Variants in ADGRA3 observed in about 807,000 individuals in gnomAD.
ADGRA3 encodes adhesion G protein-coupled receptor A3.
Under a neutral mutation model 119.8 loss-of-function variants are expected in ADGRA3, and 56 were observed. The ratio of observed to expected loss-of-function variants is 0.47; its 90% confidence interval spans 0.38 to 0.58. The LOEUF (loss-of-function observed/expected upper bound fraction) is 0.58, where lower values mean the gene tolerates loss of function less well. Ranked by LOEUF, ADGRA3 falls within the 20% of genes least tolerant of loss-of-function variation. The pLI, the probability that ADGRA3 is intolerant of heterozygous loss-of-function variation, is 0.00. For missense variants in ADGRA3, 1,516 were observed against 1,649.0 expected (o/e 0.92, Z 1.40); for synonymous variants, 607 against 623.8 (o/e 0.97, Z 0.40).
At chr4:22,513,642 G>A (rs1719530077) in intron 1 of ADGRA3, among the ~76,000 whole-genome samples, 1 of 150,886 alleles carries the variant, frequency 6.6e-6, no homozygotes, top group African/African-American at 2.4e-5. Flanking sequence ...CTTCCAAGTA[G>A]CTGGAATGAC....
chr4:22,409,742 G>A (rs1715111327), intron 14 of ADGRA3, among the ~76,000 whole-genome samples: 1 of 152,092 alleles, frequency 6.6e-6, no homozygotes, highest in Non-Finnish European at 1.5e-5. Context: ...ACAGAAAAAA[G>A]CACGGTTTAG....
At chr4:22,468,259 A>T (rs1398125311) in intron 2 of ADGRA3, among the ~76,000 whole-genome samples, 1 of 152,156 alleles carries the variant, frequency 6.6e-6, no homozygotes, top group African/African-American at 2.4e-5. Context: ...TCTGCTCCTC[A>T]TCTCTTATTG....
At chr4:22,502,909 A>C (rs981342476) in intron 1 of ADGRA3, among the ~76,000 whole-genome samples, 114 of 152,084 alleles carry the variant, frequency 7.5e-4, no homozygotes, top group African/African-American at 2.3e-3. Context: ...AAAAAAAAAA[A>C]AAAACAGTAA....
At chr4:22,447,548 A>G in intron 4 of ADGRA3, 37 bp from the exon 5 acceptor site, 1 of 1,183,150 alleles carries the variant, frequency 8.5e-7, no homozygotes, top group East Asian at 2.4e-5. Flanking sequence ...TTAAAAATAC[A>G]ATTATCTATC....
chr4:22,496,539 C>T (rs924967177), intron 1 of ADGRA3, among the ~76,000 whole-genome samples: 6 of 152,100 alleles, frequency 3.9e-5, no homozygotes, highest in African/African-American at 9.7e-5. Flanking sequence ...CAATACAGTC[C>T]GTGGTCCAAA....
chr4:22,463,160 A>G (rs1040155544), intron 2 of ADGRA3, among the ~76,000 whole-genome samples: 1 of 152,194 alleles, frequency 6.6e-6, no homozygotes, highest in Admixed American at 6.5e-5. Flanking sequence ...ACATCCTTAC[A>G]TAACAGTGGC....
rs908447908 is a variant in ADGRA3 at position 22,495,735 on chromosome 4, C to A, written c.257+19793G>T. ...CATCCTGGCTAACACGGTGAAACCC[C>A]GTCGCTACTAAAAATACAAAAAAAT... is the stretch of plus-strand genomic sequence containing the variant. On this transcript the variant is annotated intron_variant, in intron 1 of 18. Coordinates refer to ENST00000334304, the MANE Select transcript of ADGRA3 (RefSeq NM_145290.4). 9.9e-5 allele frequency among the ~76,000 whole-genome samples: 15 copies of A among 151,862 alleles called. No individual in the cohort carries two copies. The East Asian group carries it at 2.9e-3, about 29-fold the overall frequency.
intron 1 of ADGRA3, among the ~76,000 whole-genome samples, chr4:22,489,638 T>C (rs1718555118): frequency 6.6e-6 from 1 of 152,188 alleles, no homozygotes; most frequent in Admixed American, 6.5e-5. Flanking sequence ...TACTAAAATT[T>C]CCAAATTCCA....
In ADGRA3 at chr4:22,388,460, G is replaced by A. The variant is rs1433768320; in HGVS notation, c.3211C>T (p.Gln1071Ter). The change falls in exon 19 of 19, where the codon CAA becomes TAA. Residue 1071 changes from glutamine to a stop codon, truncating the protein, a stop_gained. Coordinates refer to ENST00000334304, the MANE Select transcript of ADGRA3 (RefSeq NM_145290.4). LOFTEE classifies it high-confidence loss of function. ...CCPGRSSYSV[Q>*]VNVQPPNSNG... ...GAGTTGGGGGGCTGGACGTTGACTT[G>A]CACTGAATACGAGCTCCGTCCTGGG... The A allele has an allele frequency of 6.2e-7, 1 of 1,613,922 alleles. No homozygotes were observed. Among genetic ancestry groups the A allele is most frequent in the African/African-American group, 1.3e-5 (1 of 74,888 alleles).
intron 3 of ADGRA3, among the ~76,000 whole-genome samples, chr4:22,455,176 T>C (rs1259539787): frequency 1.3e-5 from 2 of 152,184 alleles, no homozygotes; most frequent in African/African-American, 4.8e-5. Context: ...CCCTCTATAT[T>C]TCAAGCACTT....
At chr4:22,414,749 A>G (rs1387321110) in intron 12 of ADGRA3, 1 of 572,408 alleles carries the variant, frequency 1.7e-6, no homozygotes, top group Non-Finnish European at 3.1e-6. Context: ...ATGCTCCTAT[A>G]GCACAACCTA....
intron 10 of ADGRA3, among the ~76,000 whole-genome samples, chr4:22,429,468 C>T (rs981084822): frequency 5.3e-5 from 8 of 152,186 alleles, no homozygotes; most frequent in Non-Finnish European, 1.2e-4. Flanking sequence ...TATGTTTTGA[C>T]TTCCACACAG....
At chr4:22,462,093 T>C (rs373978839) in intron 2 of ADGRA3, among the ~76,000 whole-genome samples, 15 of 152,202 alleles carry the variant, frequency 9.9e-5, no homozygotes, top group African/African-American at 2.9e-4. Context: ...CAATTATCAC[T>C]GAACTACAAT....
intron 4 of ADGRA3, among the ~76,000 whole-genome samples, chr4:22,448,411 T>C (rs1374715677): frequency 6.6e-6 from 1 of 152,156 alleles, no homozygotes; most frequent in Non-Finnish European, 1.5e-5. Context: ...TCTATGCCTG[T>C]TATGGTATCA....
At chr4:22,455,206 A>T (rs1033077853) in intron 3 of ADGRA3, among the ~76,000 whole-genome samples, 1 of 152,222 alleles carries the variant, frequency 6.6e-6, no homozygotes, top group African/African-American at 2.4e-5. Flanking sequence ...AAATTACTCA[A>T]GATAAAACTG....
At chr4:22,390,343 A>C (rs900232484) in intron 17 of ADGRA3, among the ~76,000 whole-genome samples, 1 of 96,714 alleles carries the variant, frequency 1.0e-5, no homozygotes, top group Non-Finnish European at 1.9e-5. Flanking sequence ...TATATAAAAT[A>C]CATATTATAT....
chr4:22,449,360 T>C (rs1716948665), intron 4 of ADGRA3, among the ~76,000 whole-genome samples: 1 of 152,000 alleles, frequency 6.6e-6, no homozygotes, highest in African/African-American at 2.4e-5. Context: ...ATTTTAAATA[T>C]ATGATTACTG....
intron 16 of ADGRA3, chr4:22,397,952 A>T (rs767826510): frequency 5.4e-6 from 2 of 371,396 alleles, no homozygotes; most frequent in Non-Finnish European, 7.4e-6. Context: ...TGGGGGATAC[A>T]GGAACAGAAT....
chr4:22,489,613 T>G (rs150881595), intron 1 of ADGRA3, among the ~76,000 whole-genome samples: 2 of 152,300 alleles, frequency 1.3e-5, no homozygotes, highest in East Asian at 3.9e-4. Context: ...AAAAGATGCA[T>G]AGCTGGACAC....
Sources: gnomAD v4.1 joint callset for allele counts (sites outside exome capture counted in the v4.1 genomes callset) on GRCh38, gnomAD v4.1.1 for gene constraint, MANE v1.5 for transcripts, NCBI Gene and HGNC (gene_info 2026-07-23, HGNC 2026-07-21) for gene names.